The following PJA2 variants were observed in gnomAD, a reference collection of about 807,000 sequenced individuals.
PJA2 encodes the protein praja ring finger ubiquitin ligase 2.
PJA2 carries 25 observed loss-of-function variants against 69.3 expected under a neutral mutation model. The ratio of observed to expected loss-of-function variants is 0.36; its 90% confidence interval spans 0.26 to 0.50. The LOEUF (loss-of-function observed/expected upper bound fraction) is 0.50, where lower values mean the gene tolerates loss of function less well. Ranked by LOEUF, PJA2 falls within the 20% of genes least tolerant of loss-of-function variation. The pLI, the probability that PJA2 is intolerant of heterozygous loss-of-function variation, is 0.96. For synonymous variants in PJA2, 308 were observed against 277.8 expected, an observed-to-expected ratio of 1.11 and a Z score of -1.08; for missense variants, 809 against 830.2, an observed-to-expected ratio of 0.97 and a Z score of 0.31.
chr5:109,341,172 C>T (rs202217447), intron 9 of PJA2, among the ~76,000 whole-genome samples: 21,291 of 106,892 alleles, frequency 0.2, 1,803 homozygotes, highest in African/African-American at 0.39. Flanking sequence ...TCCGCCCGGC[C>T]GCCATCCCAT....
rs1410780365 is a variant in PJA2, at chr5:109,335,206, C to CT, written c.*2024dup. The CT allele has an allele frequency of 1.3e-5, 2 of 152,502 alleles. No homozygotes were observed. Among genetic ancestry groups the CT allele is most frequent in the African/African-American group, 4.8e-5 (2 of 41,408 alleles). The allele number at this position is 152,502 out of a possible 1,614,324, so 9.4% of individuals were successfully genotyped here. On this transcript the variant is annotated 3_prime_UTR_variant, in exon 10 of 10. Transcript: ENST00000361189. ...ATCCTAAAACCTCAATTTTCTTTTT[C>CT]TTTTTTAAAATTTAAGCCAACTCTT...
chr5:109,389,912 T>C (rs1243791218), intron 1 of PJA2, among the ~76,000 whole-genome samples: 1 of 151,948 alleles, frequency 6.6e-6, no homozygotes, highest in Non-Finnish European at 1.5e-5. Flanking sequence ...CTATTTTTTT[T>C]TTTTTGTTAT....
At position 109,355,990 on chromosome 5, in the gene PJA2, A is replaced by G. The variant is rs1762406509; in HGVS notation, c.1689T>C (p.Ala563=). Residue 563 remains alanine, a synonymous_variant, in exon 7 of 10, where the codon GCT becomes GCC. Transcript: ENST00000361189. The part of the protein sequence containing the change: ...FDGFADGLGV[A]EAISYVDPQF... Reference sequence around the variant, plus strand: ...GAGGATCCACATATGAAATAGCTTCAGCAACTCCTAGTCCATCTGCAAAGC... The same window carrying G: ...GAGGATCCACATATGAAATAGCTTCGGCAACTCCTAGTCCATCTGCAAAGC... 4 of 1,613,614 alleles carry G rather than the reference A, an allele frequency of 2.5e-6. No individual in the cohort carries two copies. The South Asian group carries it at 4.4e-5, about 18-fold the overall frequency.
intron 1 of PJA2, among the ~76,000 whole-genome samples, chr5:109,399,257 G>A (rs1456489718): frequency 1.3e-5 from 2 of 151,374 alleles, no homozygotes; most frequent in Non-Finnish European, 1.5e-5. Flanking sequence ...CTACCATGGA[G>A]AGAAGGTACA....
At chr5:109,384,212 T>C (rs1747110231) in intron 1 of PJA2, among the ~76,000 whole-genome samples, 2 of 152,228 alleles carry the variant, frequency 1.3e-5, no homozygotes, top group Admixed American at 1.3e-4. Context: ...AAAGTTCCTT[T>C]AGCCCTGGAA....
intron 1 of PJA2, among the ~76,000 whole-genome samples, chr5:109,397,457 G>A (rs1328683437): frequency 2.0e-5 from 3 of 151,560 alleles, no homozygotes; most frequent in African/African-American, 7.3e-5. Context: ...TGCCAACAAG[G>A]GAAATGAATG....
Position 109,389,509 on chromosome 5 carries a change from T to C in PJA2, c.-87-5989A>G, listed in dbSNP as rs191732969. On this transcript the variant is annotated intron_variant, in intron 1 of 9. Coordinates refer to ENST00000361189, the MANE Select transcript of PJA2 (RefSeq NM_014819.5). ...AGTCTCTTTTTTTCATCCCTGTTACTAGTAATTTGTGTTTTCTCTCATTTT... is the reference window on the plus strand; with the variant it reads ...AGTCTCTTTTTTTCATCCCTGTTACCAGTAATTTGTGTTTTCTCTCATTTT... Among the ~76,000 whole-genome samples the C allele has an allele frequency of 4.6e-5, 7 of 152,184 alleles. No individual in the cohort carries two copies. In the East Asian group the frequency reaches 1.3e-3, roughly 29 times the overall value.
At chr5:109,340,621 TCCCCCTCCCCCTCCCC>T (rs1204582222) in intron 9 of PJA2, among the ~76,000 whole-genome samples, 270 of 7,452 alleles carry the variant, frequency 0.036, 109 homozygotes, top group African/African-American at 0.085. Context: ...ATTGGGTCCC[TCCCCCTCCCCCTCCCC>T]CTCCCCCTCC....
chr5:109,409,380 CG>C (rs1561370146), intron 1 of PJA2: 1 of 152,428 alleles, frequency 6.6e-6, no homozygotes, highest in African/African-American at 2.4e-5. Context: ...AGGCCTGTGG[CG>C]TAAGATGGTT....
chr5:109,358,365 T>A (rs569558798), intron 6 of PJA2, among the ~76,000 whole-genome samples: 86 of 152,342 alleles, frequency 5.6e-4, no homozygotes, highest in African/African-American at 2.0e-3. Flanking sequence ...TTTTAGTTAA[T>A]CTATGATTTA....
intron 1 of PJA2, among the ~76,000 whole-genome samples, chr5:109,384,842 G>A (rs1049348548): frequency 6.6e-5 from 10 of 151,636 alleles, no homozygotes; most frequent in Admixed American, 2.0e-4. Context: ...TTTTGAGGGC[G>A]AGTCTTGCTC....
chr5:109,388,345 C>T (rs1311592363), intron 1 of PJA2, among the ~76,000 whole-genome samples: 3 of 152,136 alleles, frequency 2.0e-5, no homozygotes, highest in African/African-American at 4.8e-5. Context: ...TGACTGCAGT[C>T]CCAGCCTACA....
At chr5:109,399,146 G>A (rs1004220867) in intron 1 of PJA2, among the ~76,000 whole-genome samples, 1 of 151,582 alleles carries the variant, frequency 6.6e-6, no homozygotes, top group African/African-American at 2.4e-5. Flanking sequence ...GCGTGGCAGA[G>A]GTTGCAGTGA....
chr5:109,354,322 TCTA>T (rs1762359752), intron 7 of PJA2, among the ~76,000 whole-genome samples: 2 of 145,452 alleles, frequency 1.4e-5, no homozygotes, highest in Admixed American at 6.8e-5. Context: ...AGATTAGATA[TCTA>T]TGATATCTAG....
At chr5:109,362,767 G>T in intron 6 of PJA2, 73 bp downstream of exon 6, 1 of 1,371,058 alleles carries the variant, frequency 7.3e-7, no homozygotes, top group Non-Finnish European at 9.9e-7. Context: ...AGCTAGCAGA[G>T]ATTTAATTTT....
At chr5:109,365,104 A>C (rs555719242) in intron 5 of PJA2, among the ~76,000 whole-genome samples, 5 of 152,222 alleles carry the variant, frequency 3.3e-5, no homozygotes, top group Admixed American at 1.3e-4. Context: ...GTTTATGCAC[A>C]CTCACTGACC....
chr5:109,344,111 A>AG, intron 9 of PJA2, 79 bp downstream of exon 9: 1 of 925,032 alleles, frequency 1.1e-6, no homozygotes, highest in East Asian at 3.6e-5. Flanking sequence ...AAAAAAAAAA[A>AG]AAAAAAAAAG....
rs754259272 is a variant in PJA2, at chr5:109,383,310, C to T, written c.31+93G>A. The T allele has an allele frequency of 1.8e-5, 20 of 1,105,762 alleles. No homozygotes were observed. The African/African-American group carries it at 1.9e-4, about 10-fold the overall frequency. The allele number at this position is 1,105,762 out of a possible 1,614,324, so 68.5% of individuals were successfully genotyped here. On this transcript the variant is annotated intron_variant, in intron 2 of 9. Transcript: ENST00000361189. ...CAAAACCAGCCTTTTAGTAAGACCA[C>T]AGGTCAGATGATCATATGTCACTTA...
chr5:109,372,923 A>AAAAG lies in PJA2; in HGVS notation c.1284-4181_1284-4178dup, dbSNP rs781469134. 1.5e-3 allele frequency among the ~76,000 whole-genome samples: 202 copies of AAAAG among 136,876 alleles called. 6 individuals are homozygous for AAAAG. Among genetic ancestry groups the AAAAG allele is most frequent in the African/African-American group, 5.3e-3 (193 of 36,130 alleles). The allele number at this position is 136,876 out of a possible 152,430, so 89.8% of individuals were successfully genotyped here. A position where few individuals can be genotyped will look rare whatever the true frequency, so the allele number is the denominator to read the frequency against. On this transcript the variant is annotated intron_variant, in intron 4 of 9. Coordinates refer to ENST00000361189, the MANE Select transcript of PJA2 (RefSeq NM_014819.5). Reference sequence around the variant, plus strand: ...TCCGTCTCAAAAAAAAAAAAAAAAAAAAAGAAAGAAAGAAAAAAAAATTAG... The same window carrying AAAAG: ...TCCGTCTCAAAAAAAAAAAAAAAAAAAAAGAAAGAAAGAAAGAAAAAAAAATTAG...
Sources: allele counts gnomAD v4.1 joint callset (sites outside exome capture counted in the v4.1 genomes callset), GRCh38; gene constraint gnomAD v4.1.1; transcripts MANE v1.5; gene names NCBI Gene and HGNC (gene_info 2026-07-23, HGNC 2026-07-21).